Variants in PRDM9 observed in about 807,000 individuals in gnomAD.
The protein encoded by PRDM9 is PR/SET domain 9.
In PRDM9, 47 loss-of-function variants were observed where a neutral mutation model predicts 55.6. The observed-to-expected ratio is 0.85, with a 90% CI of 0.67 to 1.08. PRDM9 has a LOEUF of 1.08. PRDM9 is among the 50% of genes least tolerant of loss of function. The pLI is 0.00. For missense variants in PRDM9, 867 were observed against 1,040.3 expected (o/e 0.83, Z 2.29); for synonymous variants, 312 against 375.7 (o/e 0.83, Z 1.96).
At chr5:23,514,692 C>T (rs1739169573) in intron 4 of PRDM9, among the ~76,000 whole-genome samples, 2 of 152,048 alleles carry the variant, frequency 1.3e-5, no homozygotes, top group Non-Finnish European at 2.9e-5. Flanking sequence ...TGCCCACCTC[C>T]TCGGCCTCCC....
chr5:23,510,728 G>GT (rs1432980202), intron 4 of PRDM9, among the ~76,000 whole-genome samples: 1 of 151,810 alleles, frequency 6.6e-6, no homozygotes, highest in Non-Finnish European at 1.5e-5. Context: ...CTGGAGTGCA[G>GT]TGGTGCAATC....
At position 23,509,091 on chromosome 5, in the gene PRDM9, C is replaced by A. The variant is rs184600328; in HGVS notation, c.58C>A (p.Arg20=). The A allele has an allele frequency of 4.3e-6, 7 of 1,613,942 alleles. No homozygotes were observed. Among genetic ancestry groups the A allele is most frequent in the Non-Finnish European group, 5.1e-6 (6 of 1,179,978 alleles). Reference sequence around the variant, plus strand: ...AGAAGAAGACACAGAGAGAACAGAGCGGAAGCCCATGGTGAGAAGTGGAGG... The same window carrying A: ...AGAAGAAGACACAGAGAGAACAGAGAGGAAGCCCATGGTGAGAAGTGGAGG... ...SPEEDTERTE[R]KPMVKDAFKD... Residue 20 remains arginine, a synonymous_variant, in exon 2 of 11, where the codon CGG becomes AGG. Coordinates refer to ENST00000296682, the MANE Select transcript of PRDM9 (RefSeq NM_020227.4).
chr5:23,517,857 C>T (rs778181359), intron 4 of PRDM9, 24 bp from the exon 5 acceptor site: 19 of 1,560,324 alleles, frequency 1.2e-5, no homozygotes, highest in South Asian at 2.2e-5. Flanking sequence ...CCAACCAAAC[C>T]ACTGATTTCT....
At chr5:23,514,573 C>G (rs977525857) in intron 4 of PRDM9, among the ~76,000 whole-genome samples, 12 of 152,066 alleles carry the variant, frequency 7.9e-5, no homozygotes, top group African/African-American at 2.9e-4. Flanking sequence ...CTCAGCCCCC[C>G]ACGTAGCTGG....
chr5:23,512,576 C>G (rs1460832516), intron 4 of PRDM9, among the ~76,000 whole-genome samples: 6 of 152,166 alleles, frequency 3.9e-5, no homozygotes, highest in Admixed American at 2.6e-4. Flanking sequence ...ATCTATACAT[C>G]TTTATCTGAA....
intron 7 of PRDM9, 29 bp downstream of exon 7, chr5:23,522,434 G>C (rs1282462264): frequency 6.3e-7 from 1 of 1,597,708 alleles, no homozygotes; most frequent in Non-Finnish European, 8.6e-7. Flanking sequence ...CACTCACACA[G>C]CTTGCTGTTA....
At position 23,521,216 on chromosome 5, in the gene PRDM9, A is replaced by G. The variant is rs148899493; in HGVS notation, c.508+37A>G. On this transcript the variant is annotated intron_variant, in intron 6 of 10. Transcript: ENST00000296682. The stretch of plus-strand genomic sequence containing the variant: ...TATTTGCGGGGACTTTAGTCCCTCT[A>G]TGTCCTCTAGAAAGGTTGATGAGTA... 57 of 1,609,088 alleles carry G rather than the reference A, an allele frequency of 3.5e-5. No individual in the cohort carries two copies. The African/African-American group carries it at 4.5e-4, about 13-fold the overall frequency.
chr5:23,520,478 CTAAT>C (rs1323502136), intron 5 of PRDM9, among the ~76,000 whole-genome samples: 2 of 150,438 alleles, frequency 1.3e-5, no homozygotes, highest in African/African-American at 4.9e-5. Flanking sequence ...GGTACAGGAA[CTAAT>C]TAATCTAATT....
Position 23,521,279 on chromosome 5 carries a change from G to C in PRDM9, c.508+100G>C, listed in dbSNP as rs557737103. The C allele has an allele frequency of 2.9e-6, 4 of 1,391,992 alleles. No individual in the cohort carries two copies. In the East Asian group the frequency reaches 6.9e-5, roughly 24 times the overall value. The allele number at this position is 1,391,992 out of a possible 1,614,324, so 86.2% of individuals were successfully genotyped here. A position where few individuals can be genotyped will look rare whatever the true frequency, so the allele number is the denominator to read the frequency against. ...GTGGGGTGGACTTTGCATAGGCCTG[G>C]GCTTAAGCTGGACTCAACTGTGAGA... On this transcript the variant is annotated intron_variant, in intron 6 of 10. Transcript: ENST00000296682.
At chr5:23,522,551 G>T (rs1376930392) in intron 7 of PRDM9, 63 bp from the exon 8 acceptor site, 22 of 1,610,178 alleles carry the variant, frequency 1.4e-5, no homozygotes, top group Non-Finnish European at 1.9e-5. Flanking sequence ...AGCTCTTTCT[G>T]AAGCTCTTAT....
At chr5:23,510,977 C>T (rs1166255868) in intron 4 of PRDM9, among the ~76,000 whole-genome samples, 2 of 150,594 alleles carry the variant, frequency 1.3e-5, no homozygotes, top group African/African-American at 4.9e-5. Context: ...GAAACTCCGT[C>T]TCCACTAAAA....
At chr5:23,520,995 C>G (rs1237989113) in intron 5 of PRDM9, 28 bp from the exon 6 acceptor site, 1 of 1,612,898 alleles carries the variant, frequency 6.2e-7, no homozygotes, top group East Asian at 2.2e-5. Context: ...TTCGTGTTGT[C>G]TTTTAATATG....
rs879146332 is a variant in PRDM9 at position 23,521,165 on chromosome 5, C to T, written c.494C>T (p.Ser165Leu). Residue 165 changes from serine (S) to leucine (L), a missense_variant, in exon 6 of 11, where the codon TCA (serine) becomes TTA (leucine). Ser to Leu is a moderately radical substitution (Grantham distance 145). Coordinates refer to ENST00000296682, the MANE Select transcript of PRDM9 (RefSeq NM_020227.4). Reference sequence around the variant, plus strand: ...GAAGCAAGTACCTCTGGACAGCACTCAAGACTAAAACTGGGTAAGAAAAAA... The same window carrying T: ...GAAGCAAGTACCTCTGGACAGCACTTAAGACTAAAACTGGGTAAGAAAAAA... ...SGEASTSGQH[S>L]RLKLELRKKE... The T allele has an allele frequency of 1.9e-6, 3 of 1,613,214 alleles. No homozygotes were observed. The highest frequency in any genetic ancestry group is 3.3e-5 in the Admixed American group (2 of 59,986).
Position 23,522,738 on chromosome 5 carries a change from G to A in PRDM9, c.735G>A (p.Gly245=). The part of the protein sequence containing the change: ...PNRSALSLPP[G]LRIGPSGIPQ... ...GTTCAGCCCTCAGTCTGCCCCCAGG[G>A]CTGAGAATTGGGCCATCAGGCATCC... The change falls in exon 8 of 11, where the codon GGG becomes GGA. Residue 245 remains glycine, a synonymous_variant. Coordinates refer to ENST00000296682, the MANE Select transcript of PRDM9 (RefSeq NM_020227.4). 43 of 1,614,214 alleles carry A rather than the reference G, an allele frequency of 2.7e-5. No individual in the cohort carries two copies. Among genetic ancestry groups the A allele is most frequent in the Non-Finnish European group, 3.6e-5 (43 of 1,180,042 alleles).
intron 4 of PRDM9, among the ~76,000 whole-genome samples, chr5:23,511,782 C>T (rs1739104413): frequency 6.6e-6 from 1 of 152,098 alleles, no homozygotes; most frequent in African/African-American, 2.4e-5. Context: ...GAAGGAAGGG[C>T]TGGCAGGTGG....
At chr5:23,513,540 C>A (rs1739140973) in intron 4 of PRDM9, among the ~76,000 whole-genome samples, 1 of 152,090 alleles carries the variant, frequency 6.6e-6, no homozygotes, top group Non-Finnish European at 1.5e-5. Flanking sequence ...TGCTCTTCAA[C>A]TTCCCAGCCT....
At chr5:23,522,449 C>T in intron 7 of PRDM9, 44 bp downstream of exon 7, 2 of 1,588,728 alleles carry the variant, frequency 1.3e-6, no homozygotes, top group Non-Finnish European at 1.7e-6. Context: ...CTGTTATGTC[C>T]TGGTGCAATA....
In PRDM9 at chr5:23,524,337, T is replaced by G. The variant is rs1421049181; in HGVS notation, c.954T>G (p.Tyr318Ter). ...CCTTTGCCTGCCTTGACCCCAGGTA[T>G]GTGAACTGTGCCCGGGATGATGAAG... ...KDKSWANWMRYVNCARDDEEQ... is the reference protein window; with the variant it reads ...KDKSWANWMR Residue 318 changes from tyrosine to a stop codon, truncating the protein, a stop_gained, in exon 10 of 11, where the codon TAT (tyrosine) becomes TAG (stop). Transcript: ENST00000296682. LOFTEE classifies it high-confidence loss of function. The G allele has an allele frequency of 7.4e-6, 12 of 1,613,786 alleles. No individual in the cohort carries two copies. Among genetic ancestry groups the G allele is most frequent in the Non-Finnish European group, 1.0e-5 (12 of 1,179,768 alleles).
chr5:23,508,153 A>G (rs1220303882), intron 1 of PRDM9, among the ~76,000 whole-genome samples: 1 of 152,066 alleles, frequency 6.6e-6, no homozygotes, highest in Non-Finnish European at 1.5e-5. Flanking sequence ...AATCTCCTTT[A>G]CCTGAGACCC....
Sources: allele counts gnomAD v4.1 joint callset (sites outside exome capture counted in the v4.1 genomes callset), GRCh38; gene constraint gnomAD v4.1.1; transcripts MANE v1.5; gene names NCBI Gene and HGNC (gene_info 2026-07-23, HGNC 2026-07-21).